Variants in RAB31 observed in about 807,000 individuals in gnomAD.
The protein encoded by RAB31 is ras-related protein Rab-31.
Under a neutral mutation model 25.6 loss-of-function variants are expected in RAB31, and 21 were observed. That is an observed-to-expected ratio of 0.82 (90% CI 0.58 to 1.18). The LOEUF is 1.18. Among genes scored for constraint, RAB31 ranks in the 50% most tolerant of loss-of-function variants. The pLI, the probability that RAB31 is intolerant of heterozygous loss-of-function variation, is 0.00. For synonymous variants in RAB31, 87 were observed against 84.0 expected (o/e 1.04, Z -0.20); for missense variants, 196 against 250.1 (o/e 0.78, Z 1.46).
chr18:9,749,641 G>C (rs1428305103), intron 1 of RAB31, among the ~76,000 whole-genome samples: 1 of 152,150 alleles, frequency 6.6e-6, no homozygotes, highest in Non-Finnish European at 1.5e-5. Context: ...CCTTAAATTA[G>C]AAAAGAAAAG....
intron 1 of RAB31, among the ~76,000 whole-genome samples, chr18:9,729,583 T>C (rs7227744): frequency 0.3 from 44,824 of 151,356 alleles, 7,970 homozygotes; most frequent in African/African-American, 0.49. Context: ...TATTTTCTTT[T>C]TTACATTTTA....
chr18:9,726,795 TA>T (rs2068098105), intron 1 of RAB31, among the ~76,000 whole-genome samples: 1 of 152,186 alleles, frequency 6.6e-6, no homozygotes. Flanking sequence ...CAAAGTGCAC[TA>T]ATCTTCAGTT....
intron 1 of RAB31, among the ~76,000 whole-genome samples, chr18:9,765,788 T>G (rs1326172161): frequency 6.6e-6 from 1 of 152,122 alleles, no homozygotes; most frequent in Non-Finnish European, 1.5e-5. Flanking sequence ...GGGAGTTCAC[T>G]GGTAGTTTGA....
chr18:9,773,877 C>T (rs143462902), intron 1 of RAB31, among the ~76,000 whole-genome samples: 1,885 of 152,108 alleles, frequency 0.012, 45 homozygotes, highest in African/African-American at 0.043. Context: ...CCCAGGCTGG[C>T]CTTGAACTCC....
At chr18:9,831,320 CT>C (rs2068677372) in intron 5 of RAB31, among the ~76,000 whole-genome samples, 1 of 152,232 alleles carries the variant, frequency 6.6e-6, no homozygotes, top group African/African-American at 2.4e-5. Flanking sequence ...GTTGGCTCCC[CT>C]GTCCCTTTGA....
At chr18:9,846,646 T>C (rs1344003436) in intron 6 of RAB31, among the ~76,000 whole-genome samples, 1 of 152,226 alleles carries the variant, frequency 6.6e-6, no homozygotes, top group Non-Finnish European at 1.5e-5. Context: ...TTGATCTCTT[T>C]CCTGCCTGAG....
chr18:9,760,764 C>A (rs548414307), intron 1 of RAB31, among the ~76,000 whole-genome samples: 1 of 152,206 alleles, frequency 6.6e-6, no homozygotes, highest in East Asian at 1.9e-4. Flanking sequence ...GCTAAGGACG[C>A]GTGGAATGGG....
chr18:9,813,044 A>G (rs2068582610), intron 3 of RAB31, among the ~76,000 whole-genome samples: 1 of 152,150 alleles, frequency 6.6e-6, no homozygotes, highest in Admixed American at 6.5e-5. Flanking sequence ...TTAAGACTGG[A>G]CCCTTCTCCA....
intron 2 of RAB31, chr18:9,787,742 A>G (rs554091925): frequency 6.5e-6 from 1 of 152,818 alleles, no homozygotes; most frequent in Non-Finnish European, 1.5e-5. Flanking sequence ...GACATCAGAG[A>G]GTCCATACTA....
At chr18:9,744,736 C>G (rs2068196926) in intron 1 of RAB31, among the ~76,000 whole-genome samples, 2 of 151,690 alleles carry the variant, frequency 1.3e-5, no homozygotes, top group Admixed American at 1.3e-4. Flanking sequence ...AACCAATAGT[C>G]AAAGAAGAAA....
intron 5 of RAB31, 79 bp from the exon 6 acceptor site, chr18:9,845,503 C>A: frequency 7.8e-7 from 1 of 1,277,806 alleles, no homozygotes; most frequent in Non-Finnish European, 1.0e-6. Context: ...TGTTGCCGCA[C>A]AAGCTGTCTG....
In RAB31 at chr18:9,793,338, G is replaced by A. The variant is rs143131654; in HGVS notation, c.201+1103G>A. Among the ~76,000 whole-genome samples, 1,318 of 152,034 alleles carry A rather than the reference G, an allele frequency of 8.7e-3. 16 individuals are homozygous for A. Among genetic ancestry groups the A allele is most frequent in the African/African-American group, 0.029 (1,211 of 41,462 alleles). On this transcript the variant is annotated intron_variant, in intron 3 of 6. Transcript: ENST00000578921. ...AGTAATCCTCCCACCTTGGCCTCCC[G>A]AAGTGCTGGGATTGCAGGTGTCAGT...
At position 9,783,372 on chromosome 18, in the gene RAB31, T is replaced by TC. The variant is rs766460726; in HGVS notation, c.119+8023dup. 2.9e-3 allele frequency among the ~76,000 whole-genome samples: 443 copies of TC among 151,796 alleles called. 1 individual carries two copies. Among genetic ancestry groups the TC allele is most frequent in the African/African-American group, 9.2e-3 (381 of 41,390 alleles). ...CCAGGCAGTCTTCTGGGATTTTGGT[T>TC]CCCCCCCCTTACCTGCACTGTGGAG... On this transcript the variant is annotated intron_variant, in intron 2 of 6. Coordinates refer to ENST00000578921, the MANE Select transcript of RAB31 (RefSeq NM_006868.4).
Position 9,731,596 on chromosome 18 carries a change from C to CTTTTTT in RAB31, c.39+23166_39+23171dup, listed in dbSNP as rs10685568. 6.0e-3 allele frequency among the ~76,000 whole-genome samples: 647 copies of CTTTTTT among 107,510 alleles called. 29 individuals carry two copies. Among genetic ancestry groups the CTTTTTT allele is most frequent in the African/African-American group, 9.0e-3 (239 of 26,604 alleles). 70.5% of individuals were successfully genotyped at this position (107,510 alleles called of 152,430 possible). The stretch of plus-strand genomic sequence containing the variant: ...AGATGAGAACCTTTCTGGGAATTTG[C>CTTTTTT]TTTTTTTTTTTTTTTTTTTGAGGCA... On this transcript the variant is annotated intron_variant, in intron 1 of 6. Coordinates refer to ENST00000578921, the MANE Select transcript of RAB31 (RefSeq NM_006868.4).
At chr18:9,858,939 G>A (rs1414484084) in intron 6 of RAB31, among the ~76,000 whole-genome samples, 1 of 152,126 alleles carries the variant, frequency 6.6e-6, no homozygotes, top group African/African-American at 2.4e-5. Flanking sequence ...CTGCCCCCAG[G>A]AGTGGATCTT....
At chr18:9,799,167 T>C (rs1399308152) in intron 3 of RAB31, among the ~76,000 whole-genome samples, 2 of 152,320 alleles carry the variant, frequency 1.3e-5, no homozygotes, top group African/African-American at 4.8e-5. Context: ...TCCATTTCAC[T>C]TGGCTTCCCA....
intron 5 of RAB31, among the ~76,000 whole-genome samples, chr18:9,827,219 T>G (rs965060333): frequency 8.5e-5 from 13 of 152,094 alleles, no homozygotes; most frequent in African/African-American, 3.1e-4. Flanking sequence ...CCTGTTGGCA[T>G]TTCCTTGAAA....
intron 3 of RAB31, among the ~76,000 whole-genome samples, chr18:9,800,272 CCA>C (rs1299986616): frequency 7.2e-5 from 11 of 152,096 alleles, no homozygotes. Flanking sequence ...GCTCTATATA[CCA>C]TGGAGGACCA....
rs1269102957 is a variant in RAB31, at chr18:9,857,682, TAGATGATAGATAGATA to T, written c.491-1545_491-1530del. Among the ~76,000 whole-genome samples the T allele has an allele frequency of 2.3e-4, 30 of 128,182 alleles. No individual in the cohort carries two copies. In the East Asian group the frequency reaches 3.7e-3, roughly 16 times the overall value. 84.1% of individuals were successfully genotyped at this position (128,182 alleles called of 152,430 possible). On this transcript the variant is annotated intron_variant, in intron 6 of 6. Transcript: ENST00000578921. The stretch of plus-strand genomic sequence containing the variant: ...ATAGATAGATAGATAGATAGATAGA[TAGATGATAGATAGATA>T]GATAGATAGATAGATAGATAGATAG...
Sources: allele counts gnomAD v4.1 joint callset (sites outside exome capture counted in the v4.1 genomes callset), GRCh38; gene constraint gnomAD v4.1.1; transcripts MANE v1.5; gene names NCBI Gene and HGNC (gene_info 2026-07-23, HGNC 2026-07-21).